The following AGBL1 variants were observed in gnomAD, a reference collection of about 807,000 sequenced individuals.
AGBL1 encodes AGBL carboxypeptidase 1.
A neutral mutation model predicts 118.9 loss-of-function variants in AGBL1; 130 were observed. That is an observed-to-expected ratio of 1.09 (90% CI 0.95 to 1.26). The LOEUF (loss-of-function observed/expected upper bound fraction) is 1.26. AGBL1 is among the 50% of genes most tolerant of loss of function. The pLI, the probability that AGBL1 is intolerant of heterozygous loss-of-function variation, is 0.00. For synonymous variants in AGBL1, 555 were observed against 478.9 expected (o/e 1.16, Z -2.08); for missense variants, 1,584 against 1,298.1 (o/e 1.22, Z -3.38).
chr15:86,085,974 C>T (rs1312491420), intron 1 of AGBL1, among the ~76,000 whole-genome samples: 1 of 152,180 alleles, frequency 6.6e-6, no homozygotes, highest in Non-Finnish European at 1.5e-5. Flanking sequence ...TCTCCCTGAA[C>T]ACCCACCTCT....
intron 17 of AGBL1, among the ~76,000 whole-genome samples, chr15:86,307,250 G>C (rs1473076481): frequency 1.3e-5 from 2 of 151,876 alleles, no homozygotes; most frequent in Non-Finnish European, 2.9e-5. Flanking sequence ...TCATTTGTCT[G>C]GTTTGTCTAT....
intron 17 of AGBL1, among the ~76,000 whole-genome samples, chr15:86,378,784 G>A (rs1373806187): frequency 6.6e-6 from 1 of 152,118 alleles, no homozygotes; most frequent in South Asian, 2.1e-4. Context: ...GCAGGGCGAG[G>A]GTTCAGGGCA....
intron 18 of AGBL1, among the ~76,000 whole-genome samples, chr15:86,473,095 A>C (rs1179312555): frequency 6.6e-6 from 1 of 152,220 alleles, no homozygotes; most frequent in African/African-American, 2.4e-5. Flanking sequence ...TATCATTATA[A>C]TGCCTTTATA....
At chr15:86,537,186 A>AC (rs988188602) in intron 19 of AGBL1, among the ~76,000 whole-genome samples, 1 of 152,154 alleles carries the variant, frequency 6.6e-6, no homozygotes, top group African/African-American at 2.4e-5. Flanking sequence ...TCCCCAGCCT[A>AC]CCCCAAGGGT....
chr15:86,388,832 C>T (rs539238121), intron 17 of AGBL1, among the ~76,000 whole-genome samples: 3 of 152,286 alleles, frequency 2.0e-5, no homozygotes, highest in Middle Eastern at 3.4e-3. Context: ...GATTTACTCT[C>T]AATACCAAAG....
chr15:86,938,416 TA>T (rs1206233095), intron 23 of AGBL1, among the ~76,000 whole-genome samples: 5 of 152,132 alleles, frequency 3.3e-5, no homozygotes, highest in African/African-American at 1.2e-4. Context: ...GCTACTAAAA[TA>T]ATCATAGTAA....
At chr15:86,111,016 G>C (rs375092521) in intron 1 of AGBL1, among the ~76,000 whole-genome samples, 1 of 152,212 alleles carries the variant, frequency 6.6e-6, no homozygotes, top group African/African-American at 2.4e-5. Flanking sequence ...CCAGAAGCAA[G>C]GCATGAGGAG....
chr15:86,516,850 A>C (rs1596213544), intron 18 of AGBL1, among the ~76,000 whole-genome samples: 1 of 151,844 alleles, frequency 6.6e-6, no homozygotes, highest in South Asian at 2.1e-4. Flanking sequence ...GATTGATGCA[A>C]GTGATGCGGT....
intron 18 of AGBL1, among the ~76,000 whole-genome samples, chr15:86,462,077 C>G (rs754893454): frequency 6.6e-6 from 1 of 152,194 alleles, no homozygotes; most frequent in African/African-American, 2.4e-5. Context: ...AAAATGGCAA[C>G]TGTGCCTGCC....
intron 7 of AGBL1, among the ~76,000 whole-genome samples, chr15:86,256,239 C>A (rs1020599305): frequency 6.6e-6 from 1 of 152,194 alleles, no homozygotes; most frequent in African/African-American, 2.4e-5. Flanking sequence ...CAAAATGTTA[C>A]ATCTGCAAAC....
chr15:86,840,906 G>T (rs1313646017), intron 22 of AGBL1, among the ~76,000 whole-genome samples: 1 of 152,154 alleles, frequency 6.6e-6, no homozygotes, highest in East Asian at 1.9e-4. Flanking sequence ...TAAACAGAAA[G>T]CTTCTTCAAT....
chr15:86,984,807 C>T (rs1324628638), intron 23 of AGBL1, among the ~76,000 whole-genome samples: 2 of 152,114 alleles, frequency 1.3e-5, no homozygotes, highest in African/African-American at 4.8e-5. Context: ...TATCCATTTA[C>T]AATTCACAGT....
chr15:86,696,476 A>G (rs1236458045), intron 22 of AGBL1, among the ~76,000 whole-genome samples: 2 of 151,402 alleles, frequency 1.3e-5, no homozygotes, highest in East Asian at 1.9e-4. Flanking sequence ...ATGAGTCCTT[A>G]TGTGTCAAGT....
At chr15:86,789,985 T>C (rs1189282994) in intron 22 of AGBL1, among the ~76,000 whole-genome samples, 1 of 152,184 alleles carries the variant, frequency 6.6e-6, no homozygotes, top group East Asian at 1.9e-4. Context: ...TCCACTACTT[T>C]TGCTTTCTCT....
intron 23 of AGBL1, among the ~76,000 whole-genome samples, chr15:86,940,406 G>A (rs977816306): frequency 2.6e-5 from 4 of 151,992 alleles, no homozygotes; most frequent in Non-Finnish European, 4.4e-5. Flanking sequence ...TCCAAGAAAC[G>A]TAATCTCTCT....
intron 22 of AGBL1, among the ~76,000 whole-genome samples, chr15:86,817,245 T>C (rs1486887484): frequency 7.0e-6 from 1 of 143,808 alleles, no homozygotes; most frequent in Non-Finnish European, 1.5e-5. Flanking sequence ...TGACCCAAGA[T>C]AGTGCGATTG....
At chr15:86,346,267 C>T (rs1037891547) in intron 17 of AGBL1, among the ~76,000 whole-genome samples, 3 of 152,114 alleles carry the variant, frequency 2.0e-5, no homozygotes, top group Non-Finnish European at 4.4e-5. Flanking sequence ...AAGGCACGAG[C>T]CACTGTGCCC....
At chr15:86,291,562 A>G (rs1204140920) in intron 16 of AGBL1, among the ~76,000 whole-genome samples, 1 of 152,222 alleles carries the variant, frequency 6.6e-6, no homozygotes, top group Non-Finnish European at 1.5e-5. Context: ...GAAGGCAACA[A>G]AACAGCACAC....
At chr15:86,672,499 G>A (rs539205041) in intron 21 of AGBL1, among the ~76,000 whole-genome samples, 1 of 152,090 alleles carries the variant, frequency 6.6e-6, no homozygotes, top group Non-Finnish European at 1.5e-5. Flanking sequence ...ATGTGTATGC[G>A]AGTGCTCCTG....
Sources: gnomAD v4.1 joint callset for allele counts (sites outside exome capture counted in the v4.1 genomes callset) on GRCh38, gnomAD v4.1.1 for gene constraint, MANE v1.5 for transcripts, NCBI Gene and HGNC (gene_info 2026-07-23, HGNC 2026-07-21) for gene names.